ERAP2: variants seen among roughly 807,000 people sequenced by gnomAD.
ERAP2 encodes the protein endoplasmic reticulum aminopeptidase 2.
Under a neutral mutation model 111.1 loss-of-function variants are expected in ERAP2, and 118 were observed. That is an observed-to-expected ratio of 1.06 (90% CI 0.92 to 1.24). ERAP2 has a LOEUF of 1.24. Ranked by LOEUF, ERAP2 falls within the 50% of genes most tolerant of loss-of-function variation. The pLI, the probability that ERAP2 is intolerant of heterozygous loss-of-function variation, is 0.00. For synonymous variants in ERAP2, 410 were observed against 401.2 expected (o/e 1.02, Z -0.26); for missense variants, 1,131 against 1,125.8 (o/e 1.00, Z -0.07).
At chr5:96,915,101 G>A (rs897970411) in intron 17 of ERAP2, among the ~76,000 whole-genome samples, 6 of 151,880 alleles carry the variant, frequency 4.0e-5, no homozygotes, top group Non-Finnish European at 2.9e-5. Flanking sequence ...TCCACCTCCC[G>A]GGTTCAAGTG....
chr5:96,908,975 C>T lies in ERAP2; in HGVS notation c.2027C>T (p.Thr676Ile). 2 of 1,614,066 alleles carry T rather than the reference C, an allele frequency of 1.2e-6. No homozygotes were observed. Among genetic ancestry groups the T allele is most frequent in the Non-Finnish European group, 1.7e-6 (2 of 1,179,984 alleles). Reference sequence around the variant, plus strand: ...TTATACTTCAGTGCAGGGAGACTGACCCTAGACAAAGCTCTTGACATGACT... The same window carrying T: ...TTATACTTCAGTGCAGGGAGACTGATCCTAGACAAAGCTCTTGACATGACT... ...VFQLVGAGRL[T>I]LDKALDMTYY... The change falls in exon 14 of 19, where the codon ACC becomes ATC. Residue 676 changes from threonine to isoleucine, a missense_variant. Physicochemically the swap from Thr to Ile is moderately conservative, Grantham distance 89. This residue lies in a region of ERAP2 where 847 missense variants were observed against 856.5 expected (regional missense o/e 0.99). Coordinates refer to ENST00000437043, the MANE Select transcript of ERAP2 (RefSeq NM_022350.5).
intron 15 of ERAP2, among the ~76,000 whole-genome samples, chr5:96,910,493 T>A (rs1433872593): frequency 6.6e-6 from 1 of 152,148 alleles, no homozygotes; most frequent in African/African-American, 2.4e-5. Context: ...AAATCTATTA[T>A]TCTCTTCTTT....
intron 15 of ERAP2, among the ~76,000 whole-genome samples, chr5:96,911,916 G>A (rs1438561501): frequency 5.0e-5 from 7 of 140,152 alleles, no homozygotes; most frequent in East Asian, 4.2e-4. Context: ...ATGGCCGGGC[G>A]CGGTGGCTCA....
intron 17 of ERAP2, among the ~76,000 whole-genome samples, chr5:96,913,892 G>A (rs1190077677): frequency 6.6e-6 from 1 of 152,148 alleles, no homozygotes; most frequent in Non-Finnish European, 1.5e-5. Flanking sequence ...CTCACCCCTA[G>A]AGCCCCTGTG....
At chr5:96,878,790 TG>T (rs1426930895) in intron 1 of ERAP2, among the ~76,000 whole-genome samples, 1 of 151,986 alleles carries the variant, frequency 6.6e-6, no homozygotes, top group Non-Finnish European at 1.5e-5. Flanking sequence ...TAGCTGGGTG[TG>T]GTGGCACATA....
chr5:96,891,882 A>G (rs56197090), intron 5 of ERAP2, among the ~76,000 whole-genome samples: 83,426 of 151,908 alleles, frequency 0.55, 22,935 homozygotes, highest in Admixed American at 0.6. Flanking sequence ...TTCTAAAAAT[A>G]AGTTCATTAT....
At chr5:96,886,837 G>A (rs762915781) in intron 4 of ERAP2, 48 bp downstream of exon 4, 14 of 1,343,686 alleles carry the variant, frequency 1.0e-5, no homozygotes, top group African/African-American at 1.5e-5. Flanking sequence ...AGTGTCCTGA[G>A]AGCAATGAAC....
At chr5:96,916,925 T>C (rs1050757704) in intron 18 of ERAP2, among the ~76,000 whole-genome samples, 4 of 152,164 alleles carry the variant, frequency 2.6e-5, no homozygotes, top group African/African-American at 9.7e-5. Context: ...TTAGCCACAT[T>C]GTGGTCACTT....
In ERAP2 at chr5:96,913,348, A is replaced by C. The variant is rs377627713; in HGVS notation, c.2548A>C (p.Ile850Leu). The C allele has an allele frequency of 6.2e-7, 1 of 1,614,004 alleles. No individual in the cohort carries two copies. The highest frequency in any genetic ancestry group is 8.5e-7 in the Non-Finnish European group (1 of 1,179,984). Residue 850 changes from isoleucine to leucine, a missense_variant, in exon 17 of 19, where the codon ATC becomes CTC. Physicochemically the swap from Ile to Leu is conservative, Grantham distance 5 (BLOSUM62 2). Around this residue, in one of 3 missense-constraint regions of ERAP2, gnomAD observed 279 missense variants for 250.9 expected, o/e 1.11. Transcript: ENST00000437043. ...TGAACTAGGAATGGAAGGAAAGGTT[A>C]TCAAGACACAGAACTTGGCAGCTCT... Reference protein sequence around the residue: ...LIELGMEGKVIKTQNLAALLH... With the variant: ...LIELGMEGKVLKTQNLAALLH...
intron 13 of ERAP2, among the ~76,000 whole-genome samples, chr5:96,905,937 CT>C (rs1384282096): frequency 7.4e-6 from 1 of 134,698 alleles, no homozygotes; most frequent in Non-Finnish European, 1.5e-5. Context: ...ATTTTTTTTT[CT>C]TTTTAATTTT....
At chr5:96,908,276 C>T (rs185914490) in intron 13 of ERAP2, among the ~76,000 whole-genome samples, 1 of 152,284 alleles carries the variant, frequency 6.6e-6, no homozygotes, top group Non-Finnish European at 1.5e-5. Context: ...ACCTGAGGAG[C>T]ACTTTCCAAT....
At chr5:96,884,299 TA>T (rs757931953) in intron 3 of ERAP2, among the ~76,000 whole-genome samples, 5 of 152,206 alleles carry the variant, frequency 3.3e-5, no homozygotes, top group Non-Finnish European at 7.3e-5. Flanking sequence ...AGAATCTTGC[TA>T]AAACTCAGAT....
intron 13 of ERAP2, among the ~76,000 whole-genome samples, chr5:96,908,237 C>G (rs977368116): frequency 6.6e-5 from 10 of 152,174 alleles, no homozygotes; most frequent in Non-Finnish European, 1.3e-4. Flanking sequence ...CTTATAGACT[C>G]TGTGTGCAAC....
intron 7 of ERAP2, among the ~76,000 whole-genome samples, chr5:96,895,821 T>C (rs1449399121): frequency 1.3e-5 from 2 of 152,168 alleles, no homozygotes; most frequent in Non-Finnish European, 2.9e-5. Context: ...AAAACGAATA[T>C]AGTGGTCTGA....
At chr5:96,879,002 G>T (rs796679347) in intron 1 of ERAP2, among the ~76,000 whole-genome samples, 2 of 152,268 alleles carry the variant, frequency 1.3e-5, no homozygotes, top group African/African-American at 4.8e-5. Flanking sequence ...CAGTTTGGGA[G>T]GATTGCTTGA....
At chr5:96,900,770 TG>T (rs1785362930) in intron 10 of ERAP2, among the ~76,000 whole-genome samples, 1 of 152,154 alleles carries the variant, frequency 6.6e-6, no homozygotes, top group Non-Finnish European at 1.5e-5. Context: ...TCCACCTCTC[TG>T]GTTCAACCAA....
chr5:96,909,865 A>G lies in ERAP2; in HGVS notation c.2354+101A>G. ...GTCTAAAACCTTTTAGTGAGGATAG[A>G]AAAAAAAACATGCTGGGCATTACAA... On this transcript the variant is annotated intron_variant, in intron 15 of 18. Coordinates refer to ENST00000437043, the MANE Select transcript of ERAP2 (RefSeq NM_022350.5). 3.5e-6 allele frequency: 4 copies of G among 1,156,032 alleles called. No homozygotes were observed. The South Asian group carries it at 4.9e-5, about 14-fold the overall frequency. The allele number at this position is 1,156,032 out of a possible 1,614,324, so 71.6% of individuals were successfully genotyped here.
Position 96,896,358 on chromosome 5 carries a change from T to C in ERAP2, c.1240-15T>C. On this transcript the variant is annotated splice_polypyrimidine_tract_variant and intron_variant, in intron 7 of 18. Transcript: ENST00000437043. ...CAAATAGAAACTAAAACTAAACATTTTTCTCCCTGTTTAGGATGACTATTT... is the reference window on the plus strand; with the variant it reads ...CAAATAGAAACTAAAACTAAACATTCTTCTCCCTGTTTAGGATGACTATTT... 6.3e-7 allele frequency: 1 copy of C among 1,595,620 alleles called. No homozygotes were observed. Among genetic ancestry groups the C allele is most frequent in the South Asian group, 1.1e-5 (1 of 89,794 alleles).
At position 96,880,262 on chromosome 5, in the gene ERAP2, T is replaced by C. The variant is rs1782993514; in HGVS notation, c.575+2T>C. The C allele has an allele frequency of 6.2e-7, 1 of 1,603,522 alleles. No homozygotes were observed. The highest frequency in any genetic ancestry group is 1.1e-5 in the South Asian group (1 of 90,218). On this transcript the variant is annotated splice_donor_variant, in intron 2 of 18. Coordinates refer to ENST00000437043, the MANE Select transcript of ERAP2 (RefSeq NM_022350.5). LOFTEE classifies it high-confidence loss of function. ...CAGAACTCTTGGTGGTGAAACAAGG[T>C]AAGAACTTGCTCAGGTAATTTACAT...
Sources: allele counts gnomAD v4.1 joint callset (sites outside exome capture counted in the v4.1 genomes callset), GRCh38; gene constraint gnomAD v4.1.1; regional missense constraint gnomAD v4.1.1; transcripts MANE v1.5; gene names NCBI Gene and HGNC (gene_info 2026-07-23, HGNC 2026-07-21).